Variants in TRAPPC10 observed in about 807,000 individuals in gnomAD.
The protein encoded by TRAPPC10 is TRAPP 130 kDa subunit.
TRAPPC10 carries 23 observed loss-of-function variants against 125.5 expected under a neutral mutation model. That is an observed-to-expected ratio of 0.18 (90% CI 0.13 to 0.26). The LOEUF (loss-of-function observed/expected upper bound fraction) is 0.26, where lower values mean the gene tolerates loss of function less well. Among genes scored for constraint, TRAPPC10 ranks in the 10% least tolerant of loss-of-function variants. The pLI is 1.00. For missense variants in TRAPPC10, 1,123 were observed against 1,308.4 expected, an observed-to-expected ratio of 0.86 and a Z score of 2.19; for synonymous variants, 509 against 518.0, an observed-to-expected ratio of 0.98 and a Z score of 0.24.
At chr21:44,072,449 G>C (rs575349323) in intron 7 of TRAPPC10, among the ~76,000 whole-genome samples, 1 of 152,024 alleles carries the variant, frequency 6.6e-6, no homozygotes, top group Non-Finnish European at 1.5e-5. Context: ...AGAGTCTCTC[G>C]TGGTCTCCTA....
At chr21:44,067,497 G>C (rs1440459668) in intron 7 of TRAPPC10, among the ~76,000 whole-genome samples, 3 of 150,578 alleles carry the variant, frequency 2.0e-5, no homozygotes, top group Non-Finnish European at 4.4e-5. Flanking sequence ...AGCTGTTGCT[G>C]AAGAAGAACT....
At chr21:44,080,189 A>G (rs1601783430) in intron 13 of TRAPPC10, 62 bp downstream of exon 13, 8 of 1,360,628 alleles carry the variant, frequency 5.9e-6, no homozygotes, top group African/African-American at 1.4e-5. Flanking sequence ...GTAAAAAAGA[A>G]TACAAGATAT....
rs1051809376 is a variant in TRAPPC10, at chr21:44,079,417, G to A, written c.1470-147G>A. 3.0e-5 allele frequency: 23 copies of A among 773,022 alleles called. No individual in the cohort carries two copies. The South Asian group carries it at 4.3e-4, about 14-fold the overall frequency. 47.9% of individuals were successfully genotyped at this position (773,022 alleles called of 1,614,324 possible). A position where few individuals can be genotyped will look rare whatever the true frequency, so the allele number is the denominator to read the frequency against. On this transcript the variant is annotated intron_variant, in intron 11 of 22. Coordinates refer to ENST00000291574, the MANE Select transcript of TRAPPC10 (RefSeq NM_003274.5). ...GAGTAGGTACTCTTTCTCACGGAGTGGGGTGGGTGGAAAAGGGCTATCTAG... is the reference window on the plus strand; with the variant it reads ...GAGTAGGTACTCTTTCTCACGGAGTAGGGTGGGTGGAAAAGGGCTATCTAG...
intron 19 of TRAPPC10, among the ~76,000 whole-genome samples, chr21:44,092,524 C>T (rs921898027): frequency 3.9e-5 from 6 of 152,150 alleles, no homozygotes; most frequent in Non-Finnish European, 7.3e-5. Flanking sequence ...TTATCTTTCA[C>T]GTGTGTTTTT....
rs572664048 is a variant in TRAPPC10, at chr21:44,041,100, G to A, written c.285+3173G>A. Among the ~76,000 whole-genome samples, 6 of 152,022 alleles carry A rather than the reference G, an allele frequency of 3.9e-5. No homozygotes were observed. The South Asian group carries it at 1.2e-3, about 32-fold the overall frequency. ...TTTTATGCTCTTTTTATGAGGTTTT[G>A]GTATTGATGTTCTACTTAATTCATT... is the stretch of plus-strand genomic sequence containing the variant. On this transcript the variant is annotated intron_variant, in intron 3 of 22. Coordinates refer to ENST00000291574, the MANE Select transcript of TRAPPC10 (RefSeq NM_003274.5).
At chr21:44,072,414 G>C (rs920320932) in intron 7 of TRAPPC10, among the ~76,000 whole-genome samples, 1 of 152,204 alleles carries the variant, frequency 6.6e-6, no homozygotes, top group Non-Finnish European at 1.5e-5. Flanking sequence ...TTTACCAAAA[G>C]CACTGTACGT....
intron 7 of TRAPPC10, among the ~76,000 whole-genome samples, chr21:44,072,056 A>C (rs561027599): frequency 6.6e-6 from 1 of 152,364 alleles, no homozygotes; most frequent in Non-Finnish European, 1.5e-5. Context: ...AGCTGCCGCT[A>C]CCTGATGCTG....
intron 6 of TRAPPC10, chr21:44,062,414 C>A: frequency 2.9e-6 from 1 of 348,194 alleles, no homozygotes; most frequent in Non-Finnish European, 4.0e-6. Context: ...TAGAAAGGGG[C>A]TCAGGTGAGA....
chr21:44,084,229 A>G lies in TRAPPC10; in HGVS notation c.2346A>G (p.Ser782=), dbSNP rs2146124408. The G allele has an allele frequency of 1.2e-6, 2 of 1,613,964 alleles. No homozygotes were observed. The highest frequency in any genetic ancestry group is 1.7e-6 in the Non-Finnish European group (2 of 1,179,968). The change falls in exon 15 of 23, where the codon TCA becomes TCG. Residue 782 remains serine (S), a synonymous_variant. Transcript: ENST00000291574. ...IYPIVQYDVY[S]QEPQLHVEPL... ...CCATTGTGCAGTACGACGTGTACTC[A>G]CAGGAGCCCCAGCTGCACGTGGAGC...
chr21:44,037,458 T>C (rs1351246485), intron 2 of TRAPPC10, among the ~76,000 whole-genome samples: 1 of 152,234 alleles, frequency 6.6e-6, no homozygotes, highest in African/African-American at 2.4e-5. Flanking sequence ...TCTTCTTTTA[T>C]GGTGACATAA....
chr21:44,036,715 T>C (rs1478883635), intron 2 of TRAPPC10, among the ~76,000 whole-genome samples: 1 of 152,180 alleles, frequency 6.6e-6, no homozygotes, highest in Non-Finnish European at 1.5e-5. Flanking sequence ...GAAAGCAACG[T>C]CTGCCAGCAA....
chr21:44,060,917 C>CATACAT (rs201418270), intron 6 of TRAPPC10, among the ~76,000 whole-genome samples: 2 of 133,936 alleles, frequency 1.5e-5, no homozygotes, highest in South Asian at 4.6e-4. Context: ...TACATACATA[C>CATACAT]ACACACACAC....
chr21:44,092,194 G>A lies in TRAPPC10; in HGVS notation c.2997+145G>A, dbSNP rs2038632710. The A allele has an allele frequency of 3.9e-6, 4 of 1,034,036 alleles. 1 individual carries two copies. In the East Asian group the frequency reaches 1.0e-4, roughly 27 times the overall value. The allele number at this position is 1,034,036 out of a possible 1,614,324, so 64.1% of individuals were successfully genotyped here. ...AGGCTCCTGTGCAGCTCCTCCGGCTGCCCTGAGGCTGGATCGAGGCTTGCT... is the reference window on the plus strand; with the variant it reads ...AGGCTCCTGTGCAGCTCCTCCGGCTACCCTGAGGCTGGATCGAGGCTTGCT... On this transcript the variant is annotated intron_variant, in intron 19 of 22. Coordinates refer to ENST00000291574, the MANE Select transcript of TRAPPC10 (RefSeq NM_003274.5).
At chr21:44,078,044 T>G (rs926473256) in intron 11 of TRAPPC10, among the ~76,000 whole-genome samples, 2 of 152,190 alleles carry the variant, frequency 1.3e-5, no homozygotes, top group African/African-American at 4.8e-5. Context: ...TAACTAAGTT[T>G]AATTAAAGAA....
chr21:44,070,070 T>C (rs2036753662), intron 7 of TRAPPC10, among the ~76,000 whole-genome samples: 1 of 152,048 alleles, frequency 6.6e-6, no homozygotes, highest in Non-Finnish European at 1.5e-5. Flanking sequence ...TGCTGTGAGC[T>C]CTCTGGCAGG....
At chr21:44,043,424 G>T (rs1213220350) in intron 3 of TRAPPC10, among the ~76,000 whole-genome samples, 1 of 151,880 alleles carries the variant, frequency 6.6e-6, no homozygotes, top group Admixed American at 6.6e-5. Flanking sequence ...ATATTGGCCA[G>T]GCTGGTCTCA....
intron 1 of TRAPPC10, among the ~76,000 whole-genome samples, chr21:44,019,986 C>T (rs1396059537): frequency 6.6e-6 from 1 of 152,056 alleles, no homozygotes; most frequent in Non-Finnish European, 1.5e-5. Context: ...TGTGCTCTCT[C>T]CCTTATGTGG....
chr21:44,043,433 C>T (rs912251612), intron 3 of TRAPPC10, among the ~76,000 whole-genome samples: 2 of 151,960 alleles, frequency 1.3e-5, no homozygotes, highest in African/African-American at 2.4e-5. Flanking sequence ...AGGCTGGTCT[C>T]AAACTCCTGA....
intron 2 of TRAPPC10, among the ~76,000 whole-genome samples, chr21:44,035,373 G>C (rs1744526458): frequency 6.6e-6 from 1 of 152,144 alleles, no homozygotes; most frequent in Admixed American, 6.5e-5. Flanking sequence ...AATTTACCCA[G>C]CCTGTGATAT....
Sources: allele counts gnomAD v4.1 joint callset (sites outside exome capture counted in the v4.1 genomes callset), GRCh38; gene constraint gnomAD v4.1.1; transcripts MANE v1.5; gene names NCBI Gene and HGNC (gene_info 2026-07-23, HGNC 2026-07-21).